PTGIS: variants seen among roughly 807,000 people sequenced by gnomAD.
PTGIS encodes the protein prostaglandin I2 synthase, also known as prostacyclin synthase.
In PTGIS, 45 loss-of-function variants were observed where a neutral mutation model predicts 50.3. The observed-to-expected ratio is 0.90, with a 90% CI of 0.70 to 1.15. The LOEUF is 1.15. Ranked by LOEUF, PTGIS falls within the 50% of genes most tolerant of loss-of-function variation. PTGIS has a pLI of 0.00. For missense variants in PTGIS, 668 were observed against 661.3 expected, an observed-to-expected ratio of 1.01 and a Z score of -0.11; for synonymous variants, 260 against 267.7, an observed-to-expected ratio of 0.97 and a Z score of 0.28.
intron 6 of PTGIS, among the ~76,000 whole-genome samples, chr20:49,519,791 C>T (rs1393763664): frequency 6.6e-6 from 1 of 152,154 alleles, no homozygotes; most frequent in Non-Finnish European, 1.5e-5. Flanking sequence ...GTCACTCAGG[C>T]CCAAACCTGG....
At chr20:49,559,500 G>A (rs1328666272) in intron 1 of PTGIS, among the ~76,000 whole-genome samples, 1 of 152,106 alleles carries the variant, frequency 6.6e-6, no homozygotes, top group Non-Finnish European at 1.5e-5. Context: ...GACCGCTTTC[G>A]GGTGACAGCA....
intron 1 of PTGIS, among the ~76,000 whole-genome samples, chr20:49,565,751 C>T (rs1040832915): frequency 6.6e-6 from 1 of 152,160 alleles, no homozygotes; most frequent in Non-Finnish European, 1.5e-5. Flanking sequence ...GAGCCTGTTT[C>T]CTCCTCTGTA....
chr20:49,511,002 T>C, intron 9 of PTGIS, 26 bp downstream of exon 9: 3 of 1,609,710 alleles, frequency 1.9e-6, no homozygotes, highest in Non-Finnish European at 2.5e-6. Context: ...GGAGCCACCC[T>C]GGCCCTGCCC....
rs1466263729 is a variant in PTGIS at position 49,540,861 on chromosome 20, C to CCTCACCCT, written c.522-1148_522-1141dup. Among the ~76,000 whole-genome samples, 2 of 152,164 alleles carry CCTCACCCT rather than the reference C, an allele frequency of 1.3e-5. No homozygotes were observed. Among genetic ancestry groups the CCTCACCCT allele is most frequent in the Admixed American group, 6.5e-5 (1 of 15,294 alleles). On this transcript the variant is annotated intron_variant, in intron 4 of 9. Transcript: ENST00000244043. The surrounding 1 kb of genome is among the most constrained non-coding windows in gnomAD (Gnocchi z 4.8). ...AAGAGACGCAACCAAAGCCCCGGGG[C>CCTCACCCT]CTCACCCTCTCACCCTCCCCTTGAG...
chr20:49,517,756 T>C (rs112853036), intron 6 of PTGIS, among the ~76,000 whole-genome samples: 3,635 of 152,282 alleles, frequency 0.024, 88 homozygotes, highest in Non-Finnish European at 0.033. Context: ...GGCCCATCAG[T>C]GGAAGTGGGG....
At chr20:49,549,560 A>G (rs1039579075) in intron 2 of PTGIS, among the ~76,000 whole-genome samples, 2 of 152,238 alleles carry the variant, frequency 1.3e-5, no homozygotes, top group African/African-American at 4.8e-5. Context: ...AACTCTGGGT[A>G]GATCTGGGCA....
At chr20:49,537,117 A>T (rs1240771481) in intron 5 of PTGIS, among the ~76,000 whole-genome samples, 2 of 152,180 alleles carry the variant, frequency 1.3e-5, no homozygotes, top group Non-Finnish European at 2.9e-5. Context: ...TTCTCAGGAC[A>T]CTTGTCAGAC....
At chr20:49,537,199 T>C (rs1231863145) in intron 5 of PTGIS, among the ~76,000 whole-genome samples, 1 of 152,074 alleles carries the variant, frequency 6.6e-6, no homozygotes, top group Non-Finnish European at 1.5e-5. Flanking sequence ...GGACCTACGT[T>C]ATGAAGAAGG....
intron 9 of PTGIS, among the ~76,000 whole-genome samples, chr20:49,510,769 A>G (rs1299986609): frequency 2.6e-5 from 4 of 152,242 alleles, no homozygotes. Context: ...GAATCTGGAC[A>G]CCAGTCTTGG....
intron 1 of PTGIS, among the ~76,000 whole-genome samples, chr20:49,554,305 A>G (rs114640092): frequency 0.01 from 1,596 of 152,308 alleles, 34 homozygotes; most frequent in African/African-American, 0.036. Flanking sequence ...TTCATCCAAT[A>G]TAACATTCTG....
intron 9 of PTGIS, among the ~76,000 whole-genome samples, chr20:49,509,278 G>A (rs1371621752): frequency 1.3e-5 from 2 of 152,172 alleles, no homozygotes; most frequent in Non-Finnish European, 2.9e-5. Context: ...TCCACTTCCT[G>A]GGAACACGGC....
intron 6 of PTGIS, among the ~76,000 whole-genome samples, chr20:49,516,789 T>C (rs1006180906): frequency 3.3e-5 from 5 of 152,312 alleles, no homozygotes; most frequent in Non-Finnish European, 7.4e-5. Flanking sequence ...CCCCGGTCAC[T>C]ACCCACTGCC....
intron 5 of PTGIS, among the ~76,000 whole-genome samples, chr20:49,532,950 A>G (rs1025922359): frequency 2.6e-5 from 4 of 152,160 alleles, no homozygotes; most frequent in African/African-American, 9.7e-5. Flanking sequence ...ATTACGAGGT[A>G]TTTCTTATTG....
chr20:49,517,993 T>C (rs1482803931), intron 6 of PTGIS, among the ~76,000 whole-genome samples: 7 of 152,268 alleles, frequency 4.6e-5, no homozygotes, highest in African/African-American at 1.7e-4. Flanking sequence ...GTATCAGTCT[T>C]GGGAGCTGTG....
intron 4 of PTGIS, among the ~76,000 whole-genome samples, chr20:49,541,469 C>T (rs1248572485): frequency 2.0e-5 from 3 of 152,144 alleles, no homozygotes; most frequent in Non-Finnish European, 4.4e-5. Flanking sequence ...AGGTGGCTCA[C>T]GCCTGTAATC....
chr20:49,510,128 A>G (rs1601175875), intron 9 of PTGIS, among the ~76,000 whole-genome samples: 1 of 151,722 alleles, frequency 6.6e-6, no homozygotes, highest in South Asian at 2.1e-4. Flanking sequence ...GCCTCAAATG[A>G]TCTGCCCACC....
At chr20:49,524,575 CT>C (rs1981746682) in intron 5 of PTGIS, among the ~76,000 whole-genome samples, 1 of 152,188 alleles carries the variant, frequency 6.6e-6, no homozygotes, top group South Asian at 2.1e-4. Context: ...TGTTTTCATG[CT>C]GCTGACAAAG....
At chr20:49,539,024 A>G (rs1013097165) in intron 5 of PTGIS, among the ~76,000 whole-genome samples, 2 of 152,120 alleles carry the variant, frequency 1.3e-5, no homozygotes, top group Non-Finnish European at 2.9e-5. Flanking sequence ...TATATAAATT[A>G]TACCTCAGTA....
intron 7 of PTGIS, among the ~76,000 whole-genome samples, chr20:49,513,954 T>C (rs573810412): frequency 8.5e-5 from 13 of 152,342 alleles, no homozygotes; most frequent in Non-Finnish European, 1.8e-4. Context: ...TGGATCCACC[T>C]GTGCCTGAAG....
Sources: gnomAD v4.1 joint callset for allele counts (sites outside exome capture counted in the v4.1 genomes callset) on GRCh38, gnomAD v4.1.1 for gene constraint, Gnocchi (gnomAD v3.1) non-coding constraint, MANE v1.5 for transcripts, NCBI Gene and HGNC (gene_info 2026-07-23, HGNC 2026-07-21) for gene names.